PACSIN2: variants seen among roughly 807,000 people sequenced by gnomAD.
PACSIN2 encodes protein kinase C and casein kinase substrate in neurons 2.
PACSIN2 carries 25 observed loss-of-function variants against 63.8 expected under a neutral mutation model. The ratio of observed to expected loss-of-function variants is 0.39; its 90% CI spans 0.29 to 0.55. The LOEUF is 0.55. Ranked by LOEUF, PACSIN2 falls within the 20% of genes least tolerant of loss-of-function variation. PACSIN2 has a pLI of 0.62. For synonymous variants in PACSIN2, 255 were observed against 256.2 expected, an observed-to-expected ratio of 1.00 and a Z score of 0.05; for missense variants, 518 against 646.9, an observed-to-expected ratio of 0.80 and a Z score of 2.16.
chr22:42,918,913 G>T (rs1247116590), intron 1 of PACSIN2, among the ~76,000 whole-genome samples: 1 of 152,104 alleles, frequency 6.6e-6, no homozygotes, highest in African/African-American at 2.4e-5. Flanking sequence ...AAACACATAA[G>T]CTGAGGAGAC....
At chr22:42,898,419 G>A (rs1930444141) in intron 2 of PACSIN2, among the ~76,000 whole-genome samples, 1 of 151,958 alleles carries the variant, frequency 6.6e-6, no homozygotes, top group African/African-American at 2.4e-5. Context: ...TTACAGACAT[G>A]CGCCACCACG....
chr22:42,876,072 A>G, intron 10 of PACSIN2, 65 bp downstream of exon 10: 1 of 1,435,940 alleles, frequency 7.0e-7, no homozygotes, highest in Non-Finnish European at 9.5e-7. Context: ...AAAAAACAAA[A>G]AAGACCGCCC....
chr22:42,998,966 G>T (rs1310233876), intron 1 of PACSIN2, among the ~76,000 whole-genome samples: 1 of 152,136 alleles, frequency 6.6e-6, no homozygotes, highest in African/African-American at 2.4e-5. Flanking sequence ...CCCATCTCCA[G>T]CTCCCCATCC....
intron 1 of PACSIN2, among the ~76,000 whole-genome samples, chr22:42,946,408 T>C (rs1416512678): frequency 1.3e-5 from 2 of 152,148 alleles, no homozygotes; most frequent in Non-Finnish European, 2.9e-5. Context: ...CCTCTGAGCC[T>C]GGCGAGAGCA....
intron 5 of PACSIN2, among the ~76,000 whole-genome samples, chr22:42,885,651 ACT>A (rs1474989422): frequency 6.6e-6 from 1 of 151,632 alleles, no homozygotes; most frequent in African/African-American, 2.4e-5. Flanking sequence ...GCCCTGGGAG[ACT>A]CTGCTTCAGG....
At chr22:42,932,273 G>A (rs1380064046) in intron 1 of PACSIN2, among the ~76,000 whole-genome samples, 1 of 152,160 alleles carries the variant, frequency 6.6e-6, no homozygotes, top group Non-Finnish European at 1.5e-5. Flanking sequence ...CAAGCGTATG[G>A]CCGGCTCCCC....
intron 1 of PACSIN2, among the ~76,000 whole-genome samples, chr22:42,924,656 T>C (rs6002980): frequency 6.6e-6 from 1 of 151,990 alleles, no homozygotes; most frequent in South Asian, 2.1e-4. Flanking sequence ...TCCGCTGGTC[T>C]GGGCACTGCC....
In PACSIN2 at chr22:42,876,608, T is replaced by G. The variant is rs552675404; in HGVS notation, c.1152-275A>C. Among the ~76,000 whole-genome samples, 4 of 152,354 alleles carry G rather than the reference T, an allele frequency of 2.6e-5. No homozygotes were observed. The South Asian group carries it at 8.3e-4, about 32-fold the overall frequency. On this transcript the variant is annotated intron_variant, in intron 9 of 10. Transcript: ENST00000263246. Reference sequence around the variant, plus strand: ...AGTCCCCAGCACAGACTGCGCGTTGTCTGTTTTCCTGTCATGGTGCTGCTA... The same window carrying G: ...AGTCCCCAGCACAGACTGCGCGTTGGCTGTTTTCCTGTCATGGTGCTGCTA...
intron 1 of PACSIN2, among the ~76,000 whole-genome samples, chr22:43,006,135 C>A (rs549925647): frequency 1.3e-5 from 2 of 152,260 alleles, no homozygotes; most frequent in East Asian, 3.9e-4. Context: ...CTCTCGCCTT[C>A]TTTCTGTCAT....
rs1029509058 is a variant in PACSIN2 at position 42,911,982 on chromosome 22, C to G, written c.60+39G>C. ...AAAGGGCCTGCCAGACACTATTGGC[C>G]TGGCCACTTCATTCACTGGAAGAAA... On this transcript the variant is annotated intron_variant, in intron 2 of 10. Transcript: ENST00000263246. 3 of 1,516,130 alleles carry G rather than the reference C, an allele frequency of 2.0e-6. No individual in the cohort carries two copies. In the African/African-American group the frequency reaches 4.2e-5, roughly 21 times the overall value. 93.9% of individuals were successfully genotyped at this position (1,516,130 alleles called of 1,614,324 possible).
chr22:42,924,279 T>A (rs5759039), intron 1 of PACSIN2, among the ~76,000 whole-genome samples: 4 of 152,008 alleles, frequency 2.6e-5, no homozygotes, highest in East Asian at 1.9e-4. Context: ...GGCTGCAGTC[T>A]TCTTCCCTCT....
chr22:42,899,725 G>C (rs1476667937), intron 2 of PACSIN2, among the ~76,000 whole-genome samples: 1 of 152,228 alleles, frequency 6.6e-6, no homozygotes, highest in Non-Finnish European at 1.5e-5. Context: ...TTTGGTCCCA[G>C]GACAGGTAGG....
chr22:42,940,401 G>C (rs565955614), intron 1 of PACSIN2, among the ~76,000 whole-genome samples: 69 of 152,196 alleles, frequency 4.5e-4, no homozygotes, highest in Non-Finnish European at 9.1e-4. Flanking sequence ...TGCTGAATGA[G>C]TAACACTGTT....
intron 1 of PACSIN2, among the ~76,000 whole-genome samples, chr22:42,983,482 T>C (rs1203599672): frequency 3.6e-5 from 2 of 55,168 alleles, no homozygotes; most frequent in Admixed American, 3.6e-4. Context: ...AGAGTGAGAC[T>C]CCATCTCAAA....
At chr22:42,912,900 C>G (rs1307143739) in intron 1 of PACSIN2, among the ~76,000 whole-genome samples, 1 of 152,228 alleles carries the variant, frequency 6.6e-6, no homozygotes, top group Admixed American at 6.5e-5. Context: ...TCCTCACTGC[C>G]ACAGTCAACA....
At chr22:42,973,736 C>T (rs1016597616) in intron 1 of PACSIN2, among the ~76,000 whole-genome samples, 1 of 152,260 alleles carries the variant, frequency 6.6e-6, no homozygotes, top group Non-Finnish European at 1.5e-5. Context: ...CTGCTACACT[C>T]CAGTCTTAGG....
chr22:42,912,133 G>C lies in PACSIN2; in HGVS notation c.-53C>G. 7.7e-7 allele frequency: 1 copy of C among 1,295,668 alleles called. No individual in the cohort carries two copies. The highest frequency in any genetic ancestry group is 1.1e-6 in the Non-Finnish European group (1 of 923,670). The allele number at this position is 1,295,668 out of a possible 1,614,324, so 80.3% of individuals were successfully genotyped here. On this transcript the variant is annotated 5_prime_UTR_variant, in exon 2 of 11. Transcript: ENST00000263246. The stretch of plus-strand genomic sequence containing the variant: ...GTATACTTAGTCAGGGGTCAACTTC[G>C]AACGCTCAAAATCTGTAGACAAACC...
chr22:42,874,180 A>G (rs1462866875), intron 10 of PACSIN2, among the ~76,000 whole-genome samples: 15 of 152,124 alleles, frequency 9.9e-5, no homozygotes, highest in Non-Finnish European at 1.5e-5. Flanking sequence ...GTGGGGTGGT[A>G]GCACACATCT....
At chr22:42,875,756 GA>G (rs1403228876) in intron 10 of PACSIN2, among the ~76,000 whole-genome samples, 1 of 151,698 alleles carries the variant, frequency 6.6e-6, no homozygotes, top group African/African-American at 2.4e-5. Context: ...GGCTGGGCTC[GA>G]ACTCCTGACC....
Sources: gnomAD v4.1 joint callset for allele counts (sites outside exome capture counted in the v4.1 genomes callset) on GRCh38, gnomAD v4.1.1 for gene constraint, MANE v1.5 for transcripts, NCBI Gene and HGNC (gene_info 2026-07-23, HGNC 2026-07-21) for gene names.